The following CPEB3 variants were observed in gnomAD, a reference collection of about 807,000 sequenced individuals.
CPEB3 encodes the protein cytoplasmic polyadenylation element-binding protein 3.
CPEB3 carries 20 observed loss-of-function variants against 67.2 expected under a neutral mutation model. The ratio of observed to expected loss-of-function variants is 0.30; its 90% confidence interval spans 0.21 to 0.43. CPEB3 has a LOEUF of 0.43. CPEB3 is among the 20% of genes least tolerant of loss of function. CPEB3 has a pLI of 1.00. For missense variants in CPEB3, 746 were observed against 968.6 expected, an observed-to-expected ratio of 0.77 and a Z score of 3.05; for synonymous variants, 376 against 393.1, an observed-to-expected ratio of 0.96 and a Z score of 0.51.
At chr10:92,076,316 T>C (rs1411519171) in intron 9 of CPEB3, 1 of 152,228 alleles carries the variant, frequency 6.6e-6, no homozygotes, top group African/African-American at 2.4e-5. Flanking sequence ...AAGTTCTCTA[T>C]AGAGTCCACA....
chr10:92,155,774 G>A (rs1022174081), intron 4 of CPEB3, among the ~76,000 whole-genome samples: 5 of 152,078 alleles, frequency 3.3e-5, no homozygotes, highest in Non-Finnish European at 5.9e-5. Context: ...ATTTAGTGTA[G>A]CACCTCATAC....
At chr10:92,105,712 T>TG (rs1455297438) in intron 7 of CPEB3, among the ~76,000 whole-genome samples, 1 of 140,888 alleles carries the variant, frequency 7.1e-6, no homozygotes, top group East Asian at 2.0e-4. Flanking sequence ...ACTTGTTTTG[T>TG]GGGTTTTTTT....
chr10:92,134,151 T>G (rs1488853367), intron 6 of CPEB3, among the ~76,000 whole-genome samples: 2 of 152,212 alleles, frequency 1.3e-5, no homozygotes, highest in African/African-American at 4.8e-5. Context: ...AACATAGTGT[T>G]AGAAGTTCTG....
rs576666863 is a variant in CPEB3, at chr10:92,221,310, T to C, written c.1005+18036A>G. On this transcript the variant is annotated intron_variant, in intron 2 of 9. Coordinates refer to ENST00000265997, the MANE Select transcript of CPEB3 (RefSeq NM_014912.5). Reference sequence around the variant, plus strand: ...GAGTTCGAGACCACCCTGGACAATATGATGAAACCCCATCTGTACTAAAAA... The same window carrying C: ...GAGTTCGAGACCACCCTGGACAATACGATGAAACCCCATCTGTACTAAAAA... Among the ~76,000 whole-genome samples, 3 of 152,132 alleles carry C rather than the reference T, an allele frequency of 2.0e-5. No individual in the cohort carries two copies. In the South Asian group the frequency reaches 6.2e-4, roughly 32 times the overall value.
intron 4 of CPEB3, among the ~76,000 whole-genome samples, chr10:92,152,194 C>T (rs1846997720): frequency 6.6e-6 from 1 of 152,178 alleles, no homozygotes; most frequent in Non-Finnish European, 1.5e-5. Flanking sequence ...TAAGCCTTTT[C>T]TTGCCTCAAG....
intron 4 of CPEB3, among the ~76,000 whole-genome samples, chr10:92,147,614 G>C (rs574357869): frequency 1.3e-5 from 2 of 152,272 alleles, no homozygotes; most frequent in African/African-American, 4.8e-5. Flanking sequence ...CAGTCTGGTG[G>C]GGGAGACAGG....
intron 2 of CPEB3, among the ~76,000 whole-genome samples, chr10:92,198,063 G>A (rs186632576): frequency 1.6e-3 from 242 of 152,222 alleles, no homozygotes; most frequent in Middle Eastern, 6.8e-3. Context: ...CCGAGATCAC[G>A]CCATTGCACT....
chr10:92,091,727 CTATG>C, intron 8 of CPEB3, 99 bp downstream of exon 8: 1 of 624,140 alleles, frequency 1.6e-6, no homozygotes, highest in Non-Finnish European at 2.7e-6. Context: ...TTTTTGGAGA[CTATG>C]TATAGCTGAC....
intron 2 of CPEB3, among the ~76,000 whole-genome samples, chr10:92,233,542 A>T (rs1851376975): frequency 6.6e-6 from 1 of 151,970 alleles, no homozygotes; most frequent in South Asian, 2.1e-4. Flanking sequence ...AAAAAAAAAA[A>T]AAAAAAGGAA....
chr10:92,104,682 G>A (rs150130616), intron 7 of CPEB3, among the ~76,000 whole-genome samples: 203 of 151,854 alleles, frequency 1.3e-3, no homozygotes, highest in Middle Eastern at 6.8e-3. Context: ...CACCACGCCC[G>A]GCTGGAAATG....
intron 4 of CPEB3, among the ~76,000 whole-genome samples, chr10:92,153,677 G>A (rs1422097095): frequency 1.3e-5 from 2 of 152,014 alleles, no homozygotes; most frequent in African/African-American, 2.4e-5. Context: ...GCTACTTGGG[G>A]GGCTGAGGCA....
At chr10:92,151,357 C>T (rs931403874) in intron 4 of CPEB3, among the ~76,000 whole-genome samples, 2 of 152,094 alleles carry the variant, frequency 1.3e-5, no homozygotes, top group African/African-American at 2.4e-5. Context: ...CAATCAGTCA[C>T]TTTGGGGGTT....
chr10:92,243,294 T>G (rs963101930), intron 1 of CPEB3: 1 of 152,158 alleles, frequency 6.6e-6, no homozygotes, highest in Non-Finnish European at 1.5e-5. Context: ...TGAGAGGGCA[T>G]GCGCACACAG....
intron 6 of CPEB3, among the ~76,000 whole-genome samples, chr10:92,114,817 C>A (rs1844922459): frequency 6.6e-6 from 1 of 152,188 alleles, no homozygotes; most frequent in African/African-American, 2.4e-5. Flanking sequence ...GTCCCAATTA[C>A]CTTACAGAGA....
intron 9 of CPEB3, among the ~76,000 whole-genome samples, chr10:92,069,833 G>A (rs981067094): frequency 1.3e-5 from 2 of 152,130 alleles, no homozygotes; most frequent in South Asian, 2.1e-4. Flanking sequence ...TTTCAACAAC[G>A]ATTTTTCCTT....
At chr10:92,191,205 C>A (rs143073112) in intron 3 of CPEB3, among the ~76,000 whole-genome samples, 342 of 152,054 alleles carry the variant, frequency 2.2e-3, no homozygotes, top group African/African-American at 7.6e-3. Context: ...AGTCTGAGAA[C>A]AGCCTGGCCA....
intron 9 of CPEB3, 31 bp downstream of exon 9, chr10:92,081,289 C>T: frequency 6.2e-7 from 1 of 1,612,842 alleles, no homozygotes; most frequent in Non-Finnish European, 8.5e-7. Flanking sequence ...TTTTCTCTCC[C>T]ATAGCAGTTT....
At chr10:92,245,269 C>A (rs1852012402) in intron 1 of CPEB3, among the ~76,000 whole-genome samples, 2 of 151,100 alleles carry the variant, frequency 1.3e-5, no homozygotes, top group South Asian at 2.1e-4. Flanking sequence ...TCTTGAGTAG[C>A]TGGGATTACA....
intron 1 of CPEB3, among the ~76,000 whole-genome samples, chr10:92,258,749 C>A (rs1214167962): frequency 8.7e-6 from 1 of 114,774 alleles, no homozygotes; most frequent in African/African-American, 3.6e-5. Context: ...TAAATTTTTT[C>A]TTTTTTAAAC....
Sources: allele counts gnomAD v4.1 joint callset (sites outside exome capture counted in the v4.1 genomes callset), GRCh38; gene constraint gnomAD v4.1.1; transcripts MANE v1.5; gene names NCBI Gene and HGNC (gene_info 2026-07-23, HGNC 2026-07-21).